The following COQ8B variants were observed in gnomAD, a reference collection of about 807,000 sequenced individuals.
COQ8B encodes coenzyme Q8B, also known as atypical kinase COQ8B, mitochondrial.
Under a neutral mutation model 62.0 loss-of-function variants are expected in COQ8B, and 44 were observed. The ratio of observed to expected loss-of-function variants is 0.71; its 90% CI spans 0.56 to 0.91. The LOEUF is 0.91. Among genes scored for constraint, COQ8B ranks in the 40% least tolerant of loss-of-function variants. The pLI is 0.00. For missense variants in COQ8B, 649 were observed against 731.6 expected, an observed-to-expected ratio of 0.89 and a Z score of 1.30; for synonymous variants, 252 against 289.9, an observed-to-expected ratio of 0.87 and a Z score of 1.33.
At position 40,710,087 on chromosome 19, in the gene COQ8B, C is replaced by G. The variant is rs755454680; in HGVS notation, c.339G>C (p.Lys113Asn). 4 of 1,613,892 alleles carry G rather than the reference C, an allele frequency of 2.5e-6. No individual in the cohort carries two copies. Among genetic ancestry groups the G allele is most frequent in the Non-Finnish European group, 3.4e-6 (4 of 1,179,918 alleles). The change falls in exon 5 of 15, where the codon AAG (lysine) becomes AAC (asparagine). Residue 113 changes from lysine to asparagine, a missense_variant. Lys to Asn is a moderately conservative substitution (Grantham distance 94). Transcript: ENST00000324464. ...GLGVLAEMAK[K>N]SMPGGRLQSE... is the part of the protein sequence containing the mutation. ...ACTGCAGACGACCTCCTGGCATGGACTTCTTAGCCATCTCGGCCAGTACTC... is the reference window on the plus strand; with the variant it reads ...ACTGCAGACGACCTCCTGGCATGGAGTTCTTAGCCATCTCGGCCAGTACTC...
At chr19:40,712,313 G>A (rs1429492623) in intron 4 of COQ8B, among the ~76,000 whole-genome samples, 4 of 150,798 alleles carry the variant, frequency 2.7e-5, no homozygotes, top group East Asian at 2.0e-4. Flanking sequence ...AGTGGCTCAC[G>A]TCTGTAATCC....
chr19:40,696,896 TCTC>T (rs1455068284), intron 12 of COQ8B, among the ~76,000 whole-genome samples: 1 of 152,212 alleles, frequency 6.6e-6, no homozygotes, highest in Admixed American at 6.5e-5. Context: ...TTACTGTCGT[TCTC>T]CTGCAACTTG....
chr19:40,713,283 T>A (rs554008133), intron 4 of COQ8B, among the ~76,000 whole-genome samples: 5 of 152,190 alleles, frequency 3.3e-5, no homozygotes, highest in Admixed American at 3.3e-4. Context: ...GGCAGGCGGA[T>A]CACAAAGCGA....
Position 40,700,333 on chromosome 19 carries a change from G to C in COQ8B, c.1012C>G (p.Leu338Val). The change falls in exon 11 of 15, where the codon CTA becomes GTA. Residue 338 changes from leucine (L) to valine (V), a missense_variant. Physicochemically the swap from Leu to Val is conservative, Grantham distance 32 (BLOSUM62 1). Transcript: ENST00000324464. ...ACCTGGTTCCGCAGGTCCTGGCTTA[G>C]GCCCTGGCACTGGTCCAGGGGGACC... ...GGVPLDQCQG[L>V]SQDLRNQICF... 2 of 1,614,082 alleles carry C rather than the reference G, an allele frequency of 1.2e-6. No individual in the cohort carries two copies. Among genetic ancestry groups the C allele is most frequent in the Non-Finnish European group, 8.5e-7 (1 of 1,179,976 alleles).
intron 4 of COQ8B, among the ~76,000 whole-genome samples, chr19:40,711,751 T>C (rs1032141829): frequency 1.3e-5 from 2 of 152,218 alleles, no homozygotes; most frequent in African/African-American, 4.8e-5. Context: ...CCTTTCTACA[T>C]GTCAGGGGCT....
chr19:40,714,226 G>A lies in COQ8B; in HGVS notation c.222+52C>T. ...GCCACCACACCCTTCCCCAAGCTCA[G>A]GGGGCCAGCAGTATTCGTGGGGTGT... On this transcript the variant is annotated intron_variant, in intron 3 of 14. Coordinates refer to ENST00000324464, the MANE Select transcript of COQ8B (RefSeq NM_024876.4). 6 of 1,606,114 alleles carry A rather than the reference G, an allele frequency of 3.7e-6. 1 individual carries two copies. The South Asian group carries it at 6.6e-5, about 18-fold the overall frequency.
chr19:40,704,712 G>A (rs78551533), intron 7 of COQ8B: 2,512 of 164,430 alleles, frequency 0.015, 65 homozygotes, highest in African/African-American at 0.055. Flanking sequence ...GCCAGGCGCC[G>A]TGCCAACCTA....
rs112408993 is a variant in COQ8B, at chr19:40,693,087, G to T, written c.1210-50C>A. 2.0e-5 allele frequency: 31 copies of T among 1,531,908 alleles called. 1 individual carries two copies. In the African/African-American group the frequency reaches 2.9e-4, roughly 14 times the overall value. 94.9% of individuals were successfully genotyped at this position (1,531,908 alleles called of 1,614,324 possible). A position where few individuals can be genotyped will look rare whatever the true frequency, so the allele number is the denominator to read the frequency against. ...GGGACAAAGGCCGGGGCTCAAGGGG[G>T]CTCTGGAGAAGAGGAGCTGGAAGCC... On this transcript the variant is annotated intron_variant, in intron 13 of 14. Transcript: ENST00000324464.
chr19:40,700,281 C>G, intron 11 of COQ8B, 29 bp downstream of exon 11: 1 of 1,611,704 alleles, frequency 6.2e-7, no homozygotes, highest in Non-Finnish European at 8.5e-7. Flanking sequence ...GGGGCCATGC[C>G]CTTCCCACTG....
intron 4 of COQ8B, among the ~76,000 whole-genome samples, chr19:40,713,687 G>GACTCTGTCT (rs1314013540): frequency 0.017 from 2,546 of 151,128 alleles, 71 homozygotes; most frequent in African/African-American, 0.058. Flanking sequence ...CTGCACTCCA[G>GACTCTGTCT]CCTGGGCAAC....
intron 10 of COQ8B, 80 bp downstream of exon 10, chr19:40,702,520 T>C (rs1599630062): frequency 3.7e-6 from 5 of 1,340,730 alleles, no homozygotes; most frequent in Non-Finnish European, 5.3e-6. Flanking sequence ...CAGCTCCAGC[T>C]GCCAGAAGCT....
rs147129698 is a variant in COQ8B at position 40,691,638 on chromosome 19, G to A, written c.*397C>T. On this transcript the variant is annotated 3_prime_UTR_variant, in exon 15 of 15. Transcript: ENST00000324464. ...TGGAACCCGGGAGAAGGCAGCTGTT[G>A]GAGGAGCGAGGGAGGCAGAGGTGAG... 2.4e-4 allele frequency: 38 copies of A among 157,558 alleles called. No homozygotes were observed. The highest frequency in any genetic ancestry group is 4.5e-4 in the Admixed American group (7 of 15,424). The allele number at this position is 157,558 out of a possible 1,614,324, so 9.8% of individuals were successfully genotyped here. A position where few individuals can be genotyped will look rare whatever the true frequency, so the allele number is the denominator to read the frequency against.
chr19:40,693,140 C>G (rs942259702), intron 13 of COQ8B, 103 bp from the exon 14 acceptor site: 1 of 951,792 alleles, frequency 1.1e-6, no homozygotes, highest in Non-Finnish European at 1.6e-6. Flanking sequence ...CACCTCCATT[C>G]TCATCTGCCT....
chr19:40,716,481 A>G (rs955688864), intron 1 of COQ8B, 106 bp downstream of exon 1: 2 of 152,286 alleles, frequency 1.3e-5, no homozygotes, highest in Non-Finnish European at 2.9e-5. Flanking sequence ...TCTCACGTGT[A>G]AAATGGAGCC....
intron 5 of COQ8B, chr19:40,708,050 T>C (rs1342787225): frequency 6.6e-6 from 1 of 152,252 alleles, no homozygotes; most frequent in Non-Finnish European, 1.5e-5. Flanking sequence ...CATTTATTTT[T>C]CTTTTTTTAA....
chr19:40,697,841 T>TAG lies in COQ8B; in HGVS notation c.1144-1788_1144-1787insCT, dbSNP rs1317449334. Among the ~76,000 whole-genome samples, 454 of 46,880 alleles carry TAG rather than the reference T, an allele frequency of 9.7e-3. 2 individuals are homozygous for TAG. Among genetic ancestry groups the TAG allele is most frequent in the East Asian group, 0.029 (60 of 2,074 alleles). The allele number at this position is 46,880 out of a possible 152,430, so 30.8% of individuals were successfully genotyped here. A position where few individuals can be genotyped will look rare whatever the true frequency, so the allele number is the denominator to read the frequency against. ...ATAAAATTATATATATATATATATA[T>TAG]ATATATATATAGAGAGAGAGAGAGA... is the stretch of plus-strand genomic sequence containing the variant. On this transcript the variant is annotated intron_variant, in intron 12 of 14. Coordinates refer to ENST00000324464, the MANE Select transcript of COQ8B (RefSeq NM_024876.4).
Position 40,700,078 on chromosome 19 carries a change from A to T in COQ8B, c.1132T>A (p.Ser378Thr). ...CACTAGGAACCAACCTGGTGGCTGG[A>T]GGCATCATACAGGAAGTTGGCCCAG... is the stretch of plus-strand genomic sequence containing the variant. Reference protein sequence around the residue: ...PNWANFLYDASSHQVTLLDFG... With the variant: ...PNWANFLYDATSHQVTLLDFG... The change falls in exon 12 of 15, where the codon TCC becomes ACC. Residue 378 changes from serine to threonine, a missense_variant. Ser to Thr is a moderately conservative substitution (Grantham distance 58). Coordinates refer to ENST00000324464, the MANE Select transcript of COQ8B (RefSeq NM_024876.4). The T allele has an allele frequency of 3.1e-6, 5 of 1,614,196 alleles. No individual in the cohort carries two copies. The highest frequency in any genetic ancestry group is 4.2e-6 in the Non-Finnish European group (5 of 1,180,008).
At chr19:40,699,797 C>T (rs2082047379) in intron 12 of COQ8B, among the ~76,000 whole-genome samples, 1 of 152,186 alleles carries the variant, frequency 6.6e-6, no homozygotes, top group South Asian at 2.1e-4. Context: ...TTAGCCTGGG[C>T]ATTACTTTTT....
rs2081974286 is a variant in COQ8B, at chr19:40,691,868, G to A, written c.*167C>T. On this transcript the variant is annotated 3_prime_UTR_variant, in exon 15 of 15. Coordinates refer to ENST00000324464, the MANE Select transcript of COQ8B (RefSeq NM_024876.4). ...GTGCAGGATCTAGGGCACGAAGTTG[G>A]GAGTTCCCCAGCCCCAGGGATCCTG... The A allele has an allele frequency of 7.0e-6, 4 of 572,382 alleles. No homozygotes were observed. The highest frequency in any genetic ancestry group is 1.1e-5 in the Non-Finnish European group (4 of 362,952). The allele number at this position is 572,382 out of a possible 1,614,324, so 35.5% of individuals were successfully genotyped here.
Sources: gnomAD v4.1 joint callset for allele counts (sites outside exome capture counted in the v4.1 genomes callset) on GRCh38, gnomAD v4.1.1 for gene constraint, MANE v1.5 for transcripts, NCBI Gene and HGNC (gene_info 2026-07-23, HGNC 2026-07-21) for gene names.